Variants in SLC19A3 observed in about 807,000 individuals in gnomAD.
The protein encoded by SLC19A3 is thiamine transporter 2.
In SLC19A3, 31 loss-of-function variants were observed where a neutral mutation model predicts 40.2. That is an observed-to-expected ratio of 0.77 (90% CI 0.58 to 1.04). SLC19A3 has a LOEUF of 1.04. SLC19A3 is among the 50% of genes least tolerant of loss of function. The pLI, the probability that SLC19A3 is intolerant of heterozygous loss-of-function variation, is 0.00. For missense variants in SLC19A3, 592 were observed against 596.7 expected (o/e 0.99, Z 0.08); for synonymous variants, 212 against 227.5 (o/e 0.93, Z 0.61).
rs1277342908 is a variant in SLC19A3 at position 227,685,486 on chromosome 2, C to T, written c.*1911G>A. 1 of 152,262 alleles carries T rather than the reference C, an allele frequency of 6.6e-6. No individual in the cohort carries two copies. Among genetic ancestry groups the T allele is most frequent in the African/African-American group, 2.4e-5 (1 of 41,450 alleles). 9.4% of individuals were successfully genotyped at this position (152,262 alleles called of 1,614,324 possible). On this transcript the variant is annotated 3_prime_UTR_variant, in exon 6 of 6. Coordinates refer to ENST00000644224, the MANE Select transcript of SLC19A3 (RefSeq NM_025243.4). ...CTTCACACCCATGATCCAGTCGCCT[C>T]CCAGCCGGCCCCACCTCTAACATTG...
At position 227,703,016 on chromosome 2, in the gene SLC19A3, G is replaced by A. The variant is rs993100586; in HGVS notation, c.-2-696C>T. 6.6e-6 allele frequency: 1 copy of A among 152,398 alleles called. No individual in the cohort carries two copies. Among genetic ancestry groups the A allele is most frequent in the African/African-American group, 2.4e-5 (1 of 41,440 alleles). The allele number at this position is 152,398 out of a possible 1,614,324, so 9.4% of individuals were successfully genotyped here. On this transcript the variant is annotated intron_variant, in intron 1 of 5. Coordinates refer to ENST00000644224, the MANE Select transcript of SLC19A3 (RefSeq NM_025243.4). The surrounding 1 kb of genome is among the most constrained non-coding windows in gnomAD (Gnocchi z 4.7). ...GAGGAGCATATGGAAGATCCAAGAT[G>A]CCCAAACACTGGCTTCAAACCACAT... is the stretch of plus-strand genomic sequence containing the variant.
At chr2:227,706,814 T>A (rs1441468309) in intron 1 of SLC19A3, 2 of 152,488 alleles carry the variant, frequency 1.3e-5, no homozygotes, top group African/African-American at 4.8e-5. Flanking sequence ...AGTCAGCCTA[T>A]CAGGCTCTCA....
At position 227,696,092 on chromosome 2, in the gene SLC19A3, AC is replaced by A; in HGVS notation, c.980-12del. ...AGGCAGCCACAGCCCCTGAAAAAAA[AC>A]ATTGAAGGCAATCAAACATAATGAC... On this transcript the variant is annotated splice_polypyrimidine_tract_variant and intron_variant, in intron 3 of 5. Coordinates refer to ENST00000644224, the MANE Select transcript of SLC19A3 (RefSeq NM_025243.4). 8.0e-7 allele frequency: 1 copy of A among 1,246,952 alleles called. No individual in the cohort carries two copies. The highest frequency in any genetic ancestry group is 1.2e-6 in the Non-Finnish European group (1 of 848,456). 77.2% of individuals were successfully genotyped at this position (1,246,952 alleles called of 1,614,324 possible).
In SLC19A3 at chr2:227,698,768, T is replaced by C. The variant is rs148363337; in HGVS notation, c.947A>G (p.Asn316Ser). The change falls in exon 3 of 6, where the codon AAT (asparagine) becomes AGT (serine). Residue 316 changes from asparagine (N) to serine (S), a missense_variant. Asn to Ser is a conservative substitution (Grantham distance 46). Transcript: ENST00000644224. ...KAPSQDSSIYNGAVEAIATFG... is the reference protein window; with the variant it reads ...KAPSQDSSIYSGAVEAIATFG... Reference sequence around the variant, plus strand: ...GGTTGCAATAGCTTCTACGGCCCCATTATAGATGGAAGAATCTTGGGATGG... The same window carrying C: ...GGTTGCAATAGCTTCTACGGCCCCACTATAGATGGAAGAATCTTGGGATGG... 6.2e-7 allele frequency: 1 copy of C among 1,613,990 alleles called. No individual in the cohort carries two copies. The highest frequency in any genetic ancestry group is 8.5e-7 in the Non-Finnish European group (1 of 1,180,002).
chr2:227,717,775 G>A (rs1265556059), intron 1 of SLC19A3, among the ~76,000 whole-genome samples, 168 bp downstream of exon 1: 2 of 152,152 alleles, frequency 1.3e-5, no homozygotes, highest in African/African-American at 4.8e-5. Context: ...CAGCACGCGG[G>A]CTGCGGCGTA....
intron 3 of SLC19A3, among the ~76,000 whole-genome samples, chr2:227,698,108 C>T (rs112817999): frequency 5.3e-4 from 80 of 152,218 alleles, no homozygotes; most frequent in African/African-American, 1.8e-3. Flanking sequence ...GTAACTACAA[C>T]ACAATAGAAA....
intron 1 of SLC19A3, among the ~76,000 whole-genome samples, chr2:227,715,216 T>TCACC (rs1696291172): frequency 6.6e-6 from 1 of 151,800 alleles, no homozygotes; most frequent in African/African-American, 2.4e-5. Flanking sequence ...AGTAGCCTTA[T>TCACC]CACCCATCTA....
Position 227,688,275 on chromosome 2 carries a change from C to T in SLC19A3, c.1205G>A (p.Arg402His), listed in dbSNP as rs779378165. ...FQIAVNLNVE[R>H]YALVFGINTF... ...GTTGATTCCAAATACCAAGGCATAG[C>T]GTTCCACATTCAGATTAACTGCAAT... Residue 402 changes from arginine (R) to histidine (H), a missense_variant, in exon 5 of 6, where the codon CGC becomes CAC. Physicochemically the swap from Arg to His is conservative, Grantham distance 29. Transcript: ENST00000644224. The T allele has an allele frequency of 8.1e-6, 13 of 1,613,916 alleles. No homozygotes were observed. The highest frequency in any genetic ancestry group is 3.3e-5 in the South Asian group (3 of 91,068).
At chr2:227,717,450 T>A (rs1696372396) in intron 1 of SLC19A3, among the ~76,000 whole-genome samples, 2 of 152,232 alleles carry the variant, frequency 1.3e-5, no homozygotes, top group African/African-American at 2.4e-5. Context: ...AGGTATCCTT[T>A]CCAGCAGTGT....
intron 3 of SLC19A3, among the ~76,000 whole-genome samples, chr2:227,697,491 A>T (rs184765581): frequency 2.0e-5 from 3 of 152,346 alleles, no homozygotes; most frequent in Admixed American, 2.0e-4. Context: ...CCCTCATTTA[A>T]ATACCATGAG....
intron 1 of SLC19A3, among the ~76,000 whole-genome samples, chr2:227,705,320 A>G (rs572913675): frequency 6.6e-6 from 1 of 151,798 alleles, no homozygotes; most frequent in South Asian, 2.1e-4. Context: ...GTAGAGGAAG[A>G]CTGGGCTCAG....
chr2:227,709,129 A>G (rs1485151537), intron 1 of SLC19A3, among the ~76,000 whole-genome samples: 1 of 152,206 alleles, frequency 6.6e-6, no homozygotes, highest in Non-Finnish European at 1.5e-5. Context: ...TATGTCCACA[A>G]ATATTTCCAA....
intron 1 of SLC19A3, among the ~76,000 whole-genome samples, chr2:227,717,078 C>T (rs1005674390): frequency 4.3e-5 from 6 of 139,776 alleles, no homozygotes; most frequent in African/African-American, 1.6e-4. Context: ...TCTTGGCTCA[C>T]TGCAACCTTC....
intron 4 of SLC19A3, among the ~76,000 whole-genome samples, chr2:227,693,111 GC>G (rs1375641870): frequency 3.3e-5 from 5 of 152,040 alleles, no homozygotes; most frequent in Non-Finnish European, 2.9e-5. Context: ...TTGTTAAAAT[GC>G]CCATACTATC....
chr2:227,685,977 A>G lies in SLC19A3; in HGVS notation c.*1420T>C. On this transcript the variant is annotated 3_prime_UTR_variant, in exon 6 of 6. Coordinates refer to ENST00000644224, the MANE Select transcript of SLC19A3 (RefSeq NM_025243.4). Reference sequence around the variant, plus strand: ...TTTGGGAGGCCGAGGCAGACAGATCACCTGAAGTCAGGAGTTTGAGACCAG... The same window carrying G: ...TTTGGGAGGCCGAGGCAGACAGATCGCCTGAAGTCAGGAGTTTGAGACCAG... 4.7e-6 allele frequency: 1 copy of G among 214,886 alleles called. No individual in the cohort carries two copies. The highest frequency in any genetic ancestry group is 9.8e-6 in the Non-Finnish European group (1 of 102,002). The allele number at this position is 214,886 out of a possible 1,614,324, so 13.3% of individuals were successfully genotyped here.
In SLC19A3 at chr2:227,699,465, T is replaced by C. The variant is rs1301426956; in HGVS notation, c.250A>G (p.Ile84Val). The C allele has an allele frequency of 1.9e-6, 3 of 1,614,136 alleles. No individual in the cohort carries two copies. The highest frequency in any genetic ancestry group is 2.7e-5 in the African/African-American group (2 of 75,014). Reference protein sequence around the residue: ...TDYVRYKPVIILQGISFIITW... With the variant: ...TDYVRYKPVIVLQGISFIITW... ...ATGATGAAACTGATACCTTGCAAGA[T>C]GATGACTGGCTTGTAGCGGACATAA... Residue 84 changes from isoleucine (I) to valine (V), a missense_variant, in exon 3 of 6, where the codon ATC becomes GTC. Coordinates refer to ENST00000644224, the MANE Select transcript of SLC19A3 (RefSeq NM_025243.4).
At chr2:227,693,704 A>G (rs12694743) in intron 4 of SLC19A3, among the ~76,000 whole-genome samples, 17,620 of 152,172 alleles carry the variant, frequency 0.12, 1,337 homozygotes, top group Admixed American at 0.21. Context: ...AGTACCCCAC[A>G]AACACAGGCA....
rs1694949035 is a variant in SLC19A3, at chr2:227,684,527, C to T, written c.*2870G>A. On this transcript the variant is annotated 3_prime_UTR_variant, in exon 6 of 6. Transcript: ENST00000644224. Reference sequence around the variant, plus strand: ...TCATCATGTTGCCCAGGCTTGCCTCCAATTCCTGGCCTCATGTGATCTGAC... The same window carrying T: ...TCATCATGTTGCCCAGGCTTGCCTCTAATTCCTGGCCTCATGTGATCTGAC... 6.6e-6 allele frequency: 1 copy of T among 151,938 alleles called. No individual in the cohort carries two copies. The highest frequency in any genetic ancestry group is 1.5e-5 in the Non-Finnish European group (1 of 68,020). 9.4% of individuals were successfully genotyped at this position (151,938 alleles called of 1,614,324 possible).
At chr2:227,692,054 T>A (rs191622543) in intron 4 of SLC19A3, among the ~76,000 whole-genome samples, 1 of 152,078 alleles carries the variant, frequency 6.6e-6, no homozygotes, top group Non-Finnish European at 1.5e-5. Flanking sequence ...AGACCAATAA[T>A]AAGTAATAAG....
Sources: gnomAD v4.1 joint callset for allele counts (sites outside exome capture counted in the v4.1 genomes callset) on GRCh38, gnomAD v4.1.1 for gene constraint, Gnocchi (gnomAD v3.1) non-coding constraint, MANE v1.5 for transcripts, NCBI Gene and HGNC (gene_info 2026-07-23, HGNC 2026-07-21) for gene names.